The following PDSS2 variants were observed in gnomAD, a reference collection of about 807,000 sequenced individuals.
PDSS2 encodes decaprenyl diphosphate synthase subunit 2, also known as all trans-polyprenyl-diphosphate synthase PDSS2.
In PDSS2, 31 loss-of-function variants were observed where a neutral mutation model predicts 44.5. The observed-to-expected ratio is 0.70, with a 90% CI of 0.52 to 0.94. The LOEUF (loss-of-function observed/expected upper bound fraction) is 0.94. Among genes scored for constraint, PDSS2 ranks in the 40% least tolerant of loss-of-function variants. PDSS2 has a pLI of 0.00. For synonymous variants in PDSS2, 157 were observed against 180.3 expected, an observed-to-expected ratio of 0.87 and a Z score of 1.03; for missense variants, 452 against 482.2, an observed-to-expected ratio of 0.94 and a Z score of 0.59.
At chr6:107,375,277 A>G (rs1779251823) in intron 1 of PDSS2, among the ~76,000 whole-genome samples, 1 of 152,064 alleles carries the variant, frequency 6.6e-6, no homozygotes, top group Admixed American at 6.6e-5. Flanking sequence ...AAAAGAGAAA[A>G]CCAATGAAAC....
intron 3 of PDSS2, among the ~76,000 whole-genome samples, chr6:107,248,546 C>G (rs1281956233): frequency 7.1e-6 from 1 of 139,938 alleles, no homozygotes; most frequent in African/African-American, 2.6e-5. Flanking sequence ...AAGCAGAATA[C>G]TAGCAGCCAC....
At chr6:107,159,666 C>T (rs1303955982) in intron 7 of PDSS2, among the ~76,000 whole-genome samples, 1 of 151,870 alleles carries the variant, frequency 6.6e-6, no homozygotes, top group Non-Finnish European at 1.5e-5. Context: ...GATCCACCCA[C>T]CTCGGCCTCC....
At chr6:107,338,563 GA>G in intron 1 of PDSS2, among the ~76,000 whole-genome samples, 1 of 152,278 alleles carries the variant, frequency 6.6e-6, no homozygotes, top group South Asian at 2.1e-4. Context: ...TGTTTCAGGG[GA>G]TGAATAAGGG....
rs1279457185 is a variant in PDSS2, at chr6:107,459,520, A to T, written c.-235T>A. On this transcript the variant is annotated 5_prime_UTR_variant, in exon 1 of 8. Transcript: ENST00000369037. This position sits in a 1 kb window ranked among gnomAD's most constrained non-coding sequence, Gnocchi z 4.3. ...CACTGCCCCCGGCCACCCGGGGTAG[A>T]AACCACAGCCACTGCCTATGTGGAG... 1.2e-5 allele frequency: 7 copies of T among 571,708 alleles called. No homozygotes were observed. The highest frequency in any genetic ancestry group is 1.9e-5 in the Non-Finnish European group (6 of 321,276). 35.4% of individuals were successfully genotyped at this position (571,708 alleles called of 1,614,324 possible).
chr6:107,229,479 G>A (rs546738742), intron 4 of PDSS2, among the ~76,000 whole-genome samples: 22 of 152,178 alleles, frequency 1.4e-4, no homozygotes, highest in East Asian at 3.9e-4. Flanking sequence ...AACTGTGCCC[G>A]GCCTCACTTT....
At chr6:107,264,754 C>G (rs1336075333) in intron 3 of PDSS2, among the ~76,000 whole-genome samples, 3 of 152,134 alleles carry the variant, frequency 2.0e-5, no homozygotes, top group African/African-American at 7.2e-5. Context: ...CATGATTTCC[C>G]TTCCAATTAG....
intron 1 of PDSS2, among the ~76,000 whole-genome samples, chr6:107,446,172 T>C (rs1031350487): frequency 4.6e-5 from 7 of 151,972 alleles, no homozygotes; most frequent in Non-Finnish European, 1.5e-5. Context: ...AAAAGTTAGC[T>C]GGGCGTGGTG....
chr6:107,434,652 C>A (rs747193484), intron 1 of PDSS2, among the ~76,000 whole-genome samples: 9 of 151,774 alleles, frequency 5.9e-5, no homozygotes, highest in Non-Finnish European at 1.3e-4. Flanking sequence ...ACAAAAATAT[C>A]GTTAAAATGA....
At position 107,153,188 on chromosome 6, in the gene PDSS2, G is replaced by T. The variant is rs1296150890; in HGVS notation, c.*1431C>A. On this transcript the variant is annotated 3_prime_UTR_variant, in exon 8 of 8. Transcript: ENST00000369037. ...GTAATAAAATCTGTTTGCTGTATTC[G>T]CTGTCTCCAGATAGGGCTGTAATTA... 6.6e-6 allele frequency: 1 copy of T among 152,530 alleles called. No homozygotes were observed. Among genetic ancestry groups the T allele is most frequent in the Non-Finnish European group, 1.5e-5 (1 of 68,042 alleles). The allele number at this position is 152,530 out of a possible 1,614,324, so 9.4% of individuals were successfully genotyped here. A position where few individuals can be genotyped will look rare whatever the true frequency, so the allele number is the denominator to read the frequency against.
At position 107,156,213 on chromosome 6, in the gene PDSS2, TTC is replaced by T. The variant is rs1491159659; in HGVS notation, c.1042-1438_1042-1437del. Reference sequence around the variant, plus strand: ...CCTGAATGCTTTTTTTTTTTTTTTTTTCCTGAGATGGAGTCTCGCTCTGTCAC... The same window carrying T: ...CCTGAATGCTTTTTTTTTTTTTTTTTCTGAGATGGAGTCTCGCTCTGTCAC... On this transcript the variant is annotated intron_variant, in intron 7 of 7. Coordinates refer to ENST00000369037, the MANE Select transcript of PDSS2 (RefSeq NM_020381.4). 3.1e-4 allele frequency among the ~76,000 whole-genome samples: 46 copies of T among 149,374 alleles called. 1 individual carries two copies. The highest frequency in any genetic ancestry group is 1.1e-3 in the African/African-American group (44 of 40,182).
At chr6:107,372,229 A>AT (rs371986737) in intron 1 of PDSS2, among the ~76,000 whole-genome samples, 17 of 150,700 alleles carry the variant, frequency 1.1e-4, no homozygotes, top group South Asian at 8.4e-4. Context: ...AGTTTTCTTT[A>AT]TTTTTTTTTC....
At position 107,160,382 on chromosome 6, in the gene PDSS2, T is replaced by C. The variant is rs1048816895; in HGVS notation, c.1042-5605A>G. Among the ~76,000 whole-genome samples, 4 of 152,158 alleles carry C rather than the reference T, an allele frequency of 2.6e-5. No individual in the cohort carries two copies. The East Asian group carries it at 7.7e-4, about 29-fold the overall frequency. On this transcript the variant is annotated intron_variant, in intron 7 of 7. Transcript: ENST00000369037. ...AAAGAGATTCTAAAAGGCCTTCCTC[T>C]GTCACCCAGACTGGAGTGCAGTGGT...
At chr6:107,176,378 A>T (rs1244330418) in intron 7 of PDSS2, among the ~76,000 whole-genome samples, 8 of 151,854 alleles carry the variant, frequency 5.3e-5, no homozygotes, top group Non-Finnish European at 1.2e-4. Flanking sequence ...TTCCCAAATC[A>T]TATTGACTAT....
At chr6:107,224,354 T>C (rs1773716220) in intron 4 of PDSS2, among the ~76,000 whole-genome samples, 1 of 151,394 alleles carries the variant, frequency 6.6e-6, no homozygotes, top group African/African-American at 2.5e-5. Flanking sequence ...GCCTAAGAGA[T>C]ATGAGGGAAA....
At chr6:107,340,245 A>T (rs904667108) in intron 1 of PDSS2, among the ~76,000 whole-genome samples, 6 of 152,194 alleles carry the variant, frequency 3.9e-5, no homozygotes, top group Non-Finnish European at 7.4e-5. Flanking sequence ...GGCCTCCTTT[A>T]AAGTTCTTCT....
intron 2 of PDSS2, among the ~76,000 whole-genome samples, chr6:107,321,380 C>G (rs1415862541): frequency 1.3e-5 from 2 of 152,170 alleles, no homozygotes. Context: ...CTAGAAGGTA[C>G]TGTTTAGTAA....
At chr6:107,164,578 TG>T (rs1771270174) in intron 7 of PDSS2, among the ~76,000 whole-genome samples, 1 of 152,214 alleles carries the variant, frequency 6.6e-6, no homozygotes, top group South Asian at 2.1e-4. Flanking sequence ...GATGGACATT[TG>T]GGTTGGTTCC....
intron 1 of PDSS2, among the ~76,000 whole-genome samples, chr6:107,357,115 T>C (rs1778617571): frequency 6.6e-6 from 1 of 152,168 alleles, no homozygotes; most frequent in East Asian, 1.9e-4. Context: ...AAACAACATT[T>C]CTTAATGTTA....
chr6:107,292,561 T>C (rs771258004), intron 2 of PDSS2, among the ~76,000 whole-genome samples: 11 of 152,232 alleles, frequency 7.2e-5, no homozygotes, highest in Non-Finnish European at 1.3e-4. Context: ...GAAATTTGTA[T>C]TGCATGGTCT....
Sources: allele counts gnomAD v4.1 joint callset (sites outside exome capture counted in the v4.1 genomes callset), GRCh38; gene constraint gnomAD v4.1.1; non-coding constraint Gnocchi (gnomAD v3.1); transcripts MANE v1.5; gene names NCBI Gene and HGNC (gene_info 2026-07-23, HGNC 2026-07-21).